The following G3BP2 variants were observed in gnomAD, a reference collection of about 807,000 sequenced individuals.
The protein encoded by G3BP2 is G3BP stress granule assembly factor 2, also known as ras GTPase-activating protein-binding protein 2.
G3BP2 carries 11 observed loss-of-function variants against 56.7 expected under a neutral mutation model. The observed-to-expected ratio is 0.19, with a 90% confidence interval of 0.12 to 0.32. G3BP2 has a LOEUF of 0.32. G3BP2 is among the 10% of genes least tolerant of loss of function. The pLI, the probability that G3BP2 is intolerant of heterozygous loss-of-function variation, is 1.00. For synonymous variants in G3BP2, 165 were observed against 191.6 expected, an observed-to-expected ratio of 0.86 and a Z score of 1.15; for missense variants, 340 against 610.9, an observed-to-expected ratio of 0.56 and a Z score of 4.67.
At chr4:75,678,516 T>A (rs1002636464) in intron 3 of G3BP2, among the ~76,000 whole-genome samples, 1 of 152,220 alleles carries the variant, frequency 6.6e-6, no homozygotes, top group Non-Finnish European at 1.5e-5. Context: ...GTCAACAGCA[T>A]AGTATTTAAA....
chr4:75,670,209 T>C (rs1223599431), intron 1 of G3BP2, among the ~76,000 whole-genome samples: 1 of 152,226 alleles, frequency 6.6e-6, no homozygotes, highest in Non-Finnish European at 1.5e-5. Context: ...CCCTCACTCA[T>C]AGCTGGGCTC....
chr4:75,643,454 A>G lies in G3BP2; in HGVS notation c.*1976T>C, dbSNP rs1731007974. 1 of 150,696 alleles carries G rather than the reference A, an allele frequency of 6.6e-6. No individual in the cohort carries two copies. Among genetic ancestry groups the G allele is most frequent in the African/African-American group, 2.4e-5 (1 of 40,882 alleles). 9.3% of individuals were successfully genotyped at this position (150,696 alleles called of 1,614,324 possible). A position where few individuals can be genotyped will look rare whatever the true frequency, so the allele number is the denominator to read the frequency against. On this transcript the variant is annotated 3_prime_UTR_variant, in exon 12 of 12. Transcript: ENST00000359707. Reference sequence around the variant, plus strand: ...TGGTAAGAATTTCAAGTACTATATCAGAAAGTATAAAACTGTTTCAAACAG... The same window carrying G: ...TGGTAAGAATTTCAAGTACTATATCGGAAAGTATAAAACTGTTTCAAACAG...
intron 3 of G3BP2, among the ~76,000 whole-genome samples, chr4:75,699,498 T>C (rs186932979): frequency 1.3e-5 from 2 of 152,336 alleles, no homozygotes; most frequent in African/African-American, 4.8e-5. Flanking sequence ...GCCTATGCCC[T>C]TTCTACTCAC....
chr4:75,681,575 C>T (rs1337637063), intron 3 of G3BP2, among the ~76,000 whole-genome samples: 2 of 152,124 alleles, frequency 1.3e-5, no homozygotes, highest in African/African-American at 2.4e-5. Flanking sequence ...ACAGGCCAGG[C>T]GTGGTGGCTC....
chr4:75,719,912 G>A (rs866230437), intron 3 of G3BP2, among the ~76,000 whole-genome samples: 1 of 151,820 alleles, frequency 6.6e-6, no homozygotes, highest in Middle Eastern at 3.4e-3. Flanking sequence ...TATCTCCTGA[G>A]AGAGGTAGCT....
intron 3 of G3BP2, among the ~76,000 whole-genome samples, chr4:75,684,338 G>A (rs1429450454): frequency 6.6e-6 from 1 of 152,132 alleles, no homozygotes; most frequent in Non-Finnish European, 1.5e-5. Flanking sequence ...CCAGGAGGCA[G>A]AGGTTGCAGT....
At position 75,714,153 on chromosome 4, in the gene G3BP2, C is replaced by T. The variant is rs1217126017; in HGVS notation, c.-25+6724G>A. 2.0e-5 allele frequency among the ~76,000 whole-genome samples: 3 copies of T among 152,126 alleles called. 1 individual carries two copies. Among genetic ancestry groups the T allele is most frequent in the South Asian group, 4.1e-4 (2 of 4,820 alleles). On this transcript the variant is annotated intron_variant, in intron 3 of 3. Transcript: ENST00000499709. ...GACTACTGCCAAAATTTGAATAAGGCCTGTAGATTAATTAGATAATGGCAA... is the reference window on the plus strand; with the variant it reads ...GACTACTGCCAAAATTTGAATAAGGTCTGTAGATTAATTAGATAATGGCAA...
chr4:75,690,177 T>C (rs937951842), intron 3 of G3BP2, among the ~76,000 whole-genome samples: 2 of 152,184 alleles, frequency 1.3e-5, no homozygotes, highest in Non-Finnish European at 2.9e-5. Context: ...CTCACACCTG[T>C]AATCCCAGCA....
intron 1 of G3BP2, among the ~76,000 whole-genome samples, chr4:75,666,428 T>C (rs1733039429): frequency 6.6e-6 from 1 of 152,194 alleles, no homozygotes; most frequent in Non-Finnish European, 1.5e-5. Context: ...CCCAAAGGAA[T>C]GGTAAAACAA....
chr4:75,713,801 C>T (rs531735043), intron 3 of G3BP2, among the ~76,000 whole-genome samples: 1 of 152,066 alleles, frequency 6.6e-6, no homozygotes, highest in South Asian at 2.1e-4. Flanking sequence ...AAAACAAAAA[C>T]AAACCAAAAA....
chr4:75,656,887 G>T, intron 5 of G3BP2, 37 bp downstream of exon 5: 2 of 936,340 alleles, frequency 2.1e-6, no homozygotes, highest in South Asian at 1.4e-5. Context: ...AGTACCAACA[G>T]AACCCTTCTA....
At chr4:75,650,111 G>A (rs1731557993) in intron 8 of G3BP2, among the ~76,000 whole-genome samples, 1 of 152,070 alleles carries the variant, frequency 6.6e-6, no homozygotes, top group South Asian at 2.1e-4. Context: ...AACAGATATT[G>A]TAATTTACAA....
intron 1 of G3BP2, among the ~76,000 whole-genome samples, chr4:75,666,432 AAAAC>A (rs754595142): frequency 2.6e-5 from 4 of 152,224 alleles, no homozygotes; most frequent in Non-Finnish European, 5.9e-5. Flanking sequence ...AAGGAATGGT[AAAAC>A]AAAATCAAGA....
At chr4:75,680,588 T>C (rs1333899407) in intron 3 of G3BP2, among the ~76,000 whole-genome samples, 1 of 152,188 alleles carries the variant, frequency 6.6e-6, no homozygotes, top group Admixed American at 6.5e-5. Flanking sequence ...CGCAACTTCA[T>C]AGACAGCTAG....
intron 3 of G3BP2, among the ~76,000 whole-genome samples, chr4:75,682,078 T>C (rs923167662): frequency 1.3e-5 from 2 of 151,920 alleles, no homozygotes; most frequent in African/African-American, 4.8e-5. Context: ...CAGAGGAAGG[T>C]GCAATATTTC....
rs866855402 is a variant in G3BP2, at chr4:75,706,148, T to C, written c.-25+14729A>G. ...AGGTTAAGTAACCAGATGTAACTCA[T>C]AGGTGAGTGCTTTGGAAACTCTACT... On this transcript the variant is annotated intron_variant, in intron 3 of 3. Coordinates refer to the G3BP2 transcript ENST00000499709. Among the ~76,000 whole-genome samples the C allele has an allele frequency of 3.9e-5, 6 of 152,192 alleles. No individual in the cohort carries two copies. In the South Asian group the frequency reaches 1.2e-3, roughly 31 times the overall value.
At chr4:75,704,548 G>T (rs751118791) in intron 3 of G3BP2, among the ~76,000 whole-genome samples, 4 of 151,932 alleles carry the variant, frequency 2.6e-5, no homozygotes, top group Non-Finnish European at 5.9e-5. Context: ...CGAACTCCTA[G>T]GCTCAAGTAA....
At chr4:75,671,592 T>C (rs1733494032) in intron 1 of G3BP2, among the ~76,000 whole-genome samples, 1 of 152,240 alleles carries the variant, frequency 6.6e-6, no homozygotes, top group African/African-American at 2.4e-5. Flanking sequence ...TCACTATTAC[T>C]AATATTTCGA....
intron 3 of G3BP2, among the ~76,000 whole-genome samples, chr4:75,704,340 CAA>C (rs1719462058): frequency 6.6e-6 from 1 of 151,922 alleles, no homozygotes; most frequent in Admixed American, 6.6e-5. Flanking sequence ...TGTTTTGAGA[CAA>C]AGTCTTGCTC....
Sources: allele counts gnomAD v4.1 joint callset (sites outside exome capture counted in the v4.1 genomes callset), GRCh38; gene constraint gnomAD v4.1.1; transcripts MANE v1.5; gene names NCBI Gene and HGNC (gene_info 2026-07-23, HGNC 2026-07-21).